Variants in LRRC4C observed in about 807,000 individuals in gnomAD.
The protein encoded by LRRC4C is leucine-rich repeat-containing protein 4C.
Under a neutral mutation model 33.6 loss-of-function variants are expected in LRRC4C, and 5 were observed. The observed-to-expected ratio is 0.15, with a 90% CI of 0.08 to 0.31. The LOEUF (loss-of-function observed/expected upper bound fraction) is 0.31, where lower values mean the gene tolerates loss of function less well. Among genes scored for constraint, LRRC4C ranks in the 10% least tolerant of loss-of-function variants. The probability of loss-of-function intolerance (pLI) is 1.00; values close to 1 mark genes in which losing one functional copy is unlikely to be tolerated. For missense variants in LRRC4C, 560 were observed against 796.7 expected, an observed-to-expected ratio of 0.70 and a Z score of 3.58; for synonymous variants, 329 against 302.0, an observed-to-expected ratio of 1.09 and a Z score of -0.93.
At chr11:41,065,647 C>G (rs1938176490) in intron 1 of LRRC4C, among the ~76,000 whole-genome samples, 1 of 152,172 alleles carries the variant, frequency 6.6e-6, no homozygotes, top group African/African-American at 2.4e-5. Context: ...GGTCTACGGA[C>G]AGCTCATACA....
intron 5 of LRRC4C, among the ~76,000 whole-genome samples, chr11:40,227,920 G>T (rs972710142): frequency 6.6e-6 from 1 of 152,160 alleles, no homozygotes; most frequent in Non-Finnish European, 1.5e-5. Context: ...AGAGAATGAT[G>T]AGTCATATGT....
At chr11:40,841,928 G>A (rs530919108) in intron 2 of LRRC4C, among the ~76,000 whole-genome samples, 1 of 152,200 alleles carries the variant, frequency 6.6e-6, no homozygotes, top group African/African-American at 2.4e-5. Context: ...CTTGAGCAGG[G>A]TATAATACAA....
At chr11:40,700,810 A>G (rs1354436771) in intron 2 of LRRC4C, among the ~76,000 whole-genome samples, 1 of 152,206 alleles carries the variant, frequency 6.6e-6, no homozygotes, top group African/African-American at 2.4e-5. Flanking sequence ...ATTTACCCAA[A>G]GTATGATTTC....
rs180801828 is a variant in LRRC4C at position 40,938,885 on chromosome 11, C to T, written c.-495-5162G>A. Among the ~76,000 whole-genome samples the T allele has an allele frequency of 1.3e-4, 20 of 152,246 alleles. No homozygotes were observed. In the East Asian group the frequency reaches 2.3e-3, roughly 18 times the overall value. On this transcript the variant is annotated intron_variant, in intron 1 of 6. Coordinates refer to ENST00000528697, the MANE Select transcript of LRRC4C (RefSeq NM_001258419.2). The stretch of plus-strand genomic sequence containing the variant: ...TCTTGCAAATGCATCATTTTAGACA[C>T]CATCTGGAATTGATAACATTCCAGA...
chr11:40,693,179 G>A (rs938772071), intron 2 of LRRC4C, among the ~76,000 whole-genome samples: 4 of 152,006 alleles, frequency 2.6e-5, no homozygotes, highest in African/African-American at 9.7e-5. Flanking sequence ...TGGTTGTGTG[G>A]CACTGGAAAT....
At chr11:40,592,916 G>A (rs909216023) in intron 3 of LRRC4C, among the ~76,000 whole-genome samples, 1 of 152,204 alleles carries the variant, frequency 6.6e-6, no homozygotes, top group Non-Finnish European at 1.5e-5. Context: ...TTGTGATAGA[G>A]GACTCAGTCT....
chr11:40,682,113 T>C (rs1010055532), intron 2 of LRRC4C, among the ~76,000 whole-genome samples: 3 of 151,626 alleles, frequency 2.0e-5, no homozygotes, highest in African/African-American at 7.3e-5. Context: ...ATTTAAAAAA[T>C]ACAAAAATTA....
chr11:40,978,480 T>C (rs916592064), intron 1 of LRRC4C, among the ~76,000 whole-genome samples: 1 of 152,152 alleles, frequency 6.6e-6, no homozygotes, highest in Non-Finnish European at 1.5e-5. Flanking sequence ...TTCTAGTAGG[T>C]AGAGACCAGG....
intron 1 of LRRC4C, among the ~76,000 whole-genome samples, chr11:41,192,703 C>T (rs74941705): frequency 0.011 from 1,644 of 151,896 alleles, 27 homozygotes; most frequent in African/African-American, 0.037. Flanking sequence ...AAGGCATACC[C>T]GTAGAGTCAG....
intron 5 of LRRC4C, among the ~76,000 whole-genome samples, chr11:40,183,090 C>T (rs2135535760): frequency 6.6e-6 from 1 of 152,110 alleles, no homozygotes; most frequent in African/African-American, 2.4e-5. Context: ...TTATAATTAC[C>T]AAAAAATAAA....
chr11:40,570,599 A>G (rs1957945273), intron 3 of LRRC4C, among the ~76,000 whole-genome samples: 1 of 152,158 alleles, frequency 6.6e-6, no homozygotes, highest in African/African-American at 2.4e-5. Flanking sequence ...TATGTATGTT[A>G]TGGAGGGAAA....
intron 5 of LRRC4C, among the ~76,000 whole-genome samples, chr11:40,199,876 T>C (rs891732785): frequency 2.6e-5 from 4 of 152,104 alleles, no homozygotes; most frequent in Non-Finnish European, 5.9e-5. Flanking sequence ...CTCACAAGAA[T>C]CCTGCAAAGT....
intron 3 of LRRC4C, among the ~76,000 whole-genome samples, chr11:40,614,476 C>G (rs1412974634): frequency 5.8e-5 from 6 of 102,766 alleles, no homozygotes; most frequent in Non-Finnish European, 1.4e-4. Context: ...GTCCAGGCCA[C>G]TAGAACTTTC....
At chr11:41,332,207 C>A (rs1318007766) in intron 1 of LRRC4C, among the ~76,000 whole-genome samples, 3 of 151,982 alleles carry the variant, frequency 2.0e-5, no homozygotes, top group Admixed American at 2.0e-4. Flanking sequence ...TACTAGATAC[C>A]CAATTTGCCT....
chr11:41,196,887 G>T (rs1946201530), intron 1 of LRRC4C, among the ~76,000 whole-genome samples: 1 of 151,962 alleles, frequency 6.6e-6, no homozygotes, highest in Non-Finnish European at 1.5e-5. Context: ...CTTTCTGCAG[G>T]TAGAAAACTA....
rs143394259 is a variant in LRRC4C at position 40,139,953 on chromosome 11, G to A, written c.-43+848C>T. Among the ~76,000 whole-genome samples the A allele has an allele frequency of 3.2e-3, 486 of 152,278 alleles. 3 individuals are homozygous for A. The highest frequency in any genetic ancestry group is 0.011 in the African/African-American group (444 of 41,562). On this transcript the variant is annotated intron_variant, in intron 6 of 6. Coordinates refer to ENST00000528697, the MANE Select transcript of LRRC4C (RefSeq NM_001258419.2). ...GGTATTAATTTGGCTGCAGGAAACC[G>A]TCTAATTGATGGGCTCATTTATACC...
chr11:40,474,876 T>C (rs1014998376), intron 3 of LRRC4C, among the ~76,000 whole-genome samples: 21 of 141,396 alleles, frequency 1.5e-4, no homozygotes, highest in Non-Finnish European at 2.0e-4. Context: ...CGTCATTAGA[T>C]AAATGCAAAT....
intron 3 of LRRC4C, among the ~76,000 whole-genome samples, chr11:40,563,999 A>G (rs1221707654): frequency 6.6e-6 from 1 of 152,166 alleles, no homozygotes; most frequent in Non-Finnish European, 1.5e-5. Context: ...TAGGCCTGAT[A>G]AGTATGAAAA....
At chr11:40,886,435 A>ACACACACACG (rs1412994804) in intron 2 of LRRC4C, among the ~76,000 whole-genome samples, 4 of 151,066 alleles carry the variant, frequency 2.6e-5, no homozygotes, top group Admixed American at 6.6e-5. Flanking sequence ...ACACACACAC[A>ACACACACACG]CGCACACACT....
Sources: allele counts gnomAD v4.1 joint callset (sites outside exome capture counted in the v4.1 genomes callset), GRCh38; gene constraint gnomAD v4.1.1; transcripts MANE v1.5; gene names NCBI Gene and HGNC (gene_info 2026-07-23, HGNC 2026-07-21).